Variants in MSH3 observed in about 807,000 individuals in gnomAD.
The protein encoded by MSH3 is DNA mismatch repair protein Msh3.
MSH3 carries 106 observed loss-of-function variants against 123.3 expected under a neutral mutation model. The ratio of observed to expected loss-of-function variants is 0.86; its 90% CI spans 0.73 to 1.01. The LOEUF is 1.01. MSH3 is among the 50% of genes least tolerant of loss of function. The pLI is 0.00. For missense variants in MSH3, 1,459 were observed against 1,347.6 expected, an observed-to-expected ratio of 1.08 and a Z score of -1.29; for synonymous variants, 515 against 481.4, an observed-to-expected ratio of 1.07 and a Z score of -0.91.
chr5:80,864,096 ATGT>A (rs1046161592), intron 21 of MSH3, among the ~76,000 whole-genome samples: 25 of 152,186 alleles, frequency 1.6e-4, no homozygotes, highest in African/African-American at 6.0e-4. Context: ...TTGTCTCATA[ATGT>A]TGTGCCGGAG....
At chr5:80,768,716 T>C (rs1256797605) in intron 14 of MSH3, 119 bp from the exon 15 acceptor site, 5 of 871,050 alleles carry the variant, frequency 5.7e-6, no homozygotes, top group South Asian at 3.3e-5. Flanking sequence ...TTAGTGACAA[T>C]TGGAACCACA....
chr5:80,863,240 G>A (rs1488449259), intron 21 of MSH3, among the ~76,000 whole-genome samples: 1 of 152,192 alleles, frequency 6.6e-6, no homozygotes, highest in Non-Finnish European at 1.5e-5. Flanking sequence ...GATTTATTCT[G>A]AGTCAAATAT....
intron 20 of MSH3, among the ~76,000 whole-genome samples, chr5:80,832,103 C>T (rs574814170): frequency 1.4e-5 from 2 of 146,808 alleles, no homozygotes; most frequent in African/African-American, 2.6e-5. Context: ...AGGCGAGACT[C>T]CTTCTCAAAA....
At chr5:80,734,607 A>G (rs1217172511) in intron 10 of MSH3, among the ~76,000 whole-genome samples, 1 of 152,132 alleles carries the variant, frequency 6.6e-6, no homozygotes. Context: ...ATTTTGAGGT[A>G]TTTCTACTCT....
In MSH3 at chr5:80,671,047, C is replaced by T. The variant is rs6151638; in HGVS notation, c.792+738C>T. Among the ~76,000 whole-genome samples, 939 of 151,828 alleles carry T rather than the reference C, an allele frequency of 6.2e-3. 6 individuals are homozygous for T. Among genetic ancestry groups the T allele is most frequent in the Non-Finnish European group, 0.011 (725 of 67,974 alleles). ...CTGAGGCAGGAGAGTCGCTTGAACC[C>T]GGGAGATGGAGGTTGCAGTGAGCCG... is the stretch of plus-strand genomic sequence containing the variant. On this transcript the variant is annotated intron_variant, in intron 4 of 23. Transcript: ENST00000265081.
At position 80,714,130 on chromosome 5, in the gene MSH3, C is replaced by CTTTT. The variant is rs34918629; in HGVS notation, c.1341-11303_1341-11300dup. On this transcript the variant is annotated intron_variant, in intron 8 of 23. Transcript: ENST00000265081. ...GCATGTGTGCAGAATTTCAAATAGA[C>CTTTT]TTTTTTTTTTTTTTTTTTTTTTTGA... Among the ~76,000 whole-genome samples, 119 of 85,818 alleles carry CTTTT rather than the reference C, an allele frequency of 1.4e-3. 2 individuals carry two copies. Among genetic ancestry groups the CTTTT allele is most frequent in the Middle Eastern group, 0.011 (1 of 90 alleles). The allele number at this position is 85,818 out of a possible 152,430, so 56.3% of individuals were successfully genotyped here.
intron 2 of MSH3, among the ~76,000 whole-genome samples, chr5:80,660,026 AT>A (rs35845351): frequency 0.26 from 39,396 of 152,006 alleles, 5,261 homozygotes; most frequent in Middle Eastern, 0.33. Flanking sequence ...TTAAGTACGT[AT>A]TTTTGAAAAC....
intron 8 of MSH3, among the ~76,000 whole-genome samples, chr5:80,704,689 C>T (rs745365478): frequency 6.6e-6 from 1 of 152,094 alleles, no homozygotes; most frequent in Non-Finnish European, 1.5e-5. Context: ...AACTTTTAGA[C>T]CTTTTCAAAT....
chr5:80,735,131 C>G (rs763991637), intron 10 of MSH3, among the ~76,000 whole-genome samples: 1 of 152,148 alleles, frequency 6.6e-6, no homozygotes, highest in East Asian at 1.9e-4. Context: ...TGCCTGTAAT[C>G]TCAGCACTTT....
intron 15 of MSH3, among the ~76,000 whole-genome samples, chr5:80,773,045 G>C (rs1302772881): frequency 6.6e-6 from 1 of 152,154 alleles, no homozygotes; most frequent in African/African-American, 2.4e-5. Flanking sequence ...CTTACAGATT[G>C]AATAGTTGTG....
At chr5:80,816,804 A>G (rs184833119) in intron 20 of MSH3, among the ~76,000 whole-genome samples, 71 of 152,352 alleles carry the variant, frequency 4.7e-4, no homozygotes, top group Non-Finnish European at 9.0e-4. Context: ...GTTGTCAGAG[A>G]TGACATTGAG....
intron 13 of MSH3, among the ~76,000 whole-genome samples, chr5:80,764,281 A>G (rs902179628): frequency 1.3e-5 from 2 of 152,248 alleles, no homozygotes; most frequent in East Asian, 3.8e-4. Flanking sequence ...GGTTTTGTGG[A>G]ACGTGCCCTG....
chr5:80,845,818 G>GT (rs1209444320), intron 20 of MSH3, among the ~76,000 whole-genome samples: 1 of 152,002 alleles, frequency 6.6e-6, no homozygotes, highest in Non-Finnish European at 1.5e-5. Context: ...TTTTTTCAAG[G>GT]TTTTCAGCTT....
chr5:80,655,041 G>T, intron 1 of MSH3, 77 bp downstream of exon 1: 1 of 853,136 alleles, frequency 1.2e-6, no homozygotes, highest in Non-Finnish European at 1.7e-6. Context: ...GCGGAGGCGG[G>T]GACCCTCCGC....
chr5:80,797,809 G>A (rs190492331), intron 19 of MSH3, among the ~76,000 whole-genome samples: 129 of 152,252 alleles, frequency 8.5e-4, no homozygotes, highest in African/African-American at 3.0e-3. Context: ...GGCCGCCCCA[G>A]CCCCACCCAC....
intron 12 of MSH3, among the ~76,000 whole-genome samples, chr5:80,753,461 A>G (rs1239166025): frequency 6.6e-6 from 1 of 152,158 alleles, no homozygotes; most frequent in Non-Finnish European, 1.5e-5. Flanking sequence ...AAAATAATAT[A>G]ACCATGAACA....
chr5:80,795,619 T>G (rs554654734), intron 19 of MSH3, among the ~76,000 whole-genome samples: 1 of 152,324 alleles, frequency 6.6e-6, no homozygotes, highest in African/African-American at 2.4e-5. Flanking sequence ...CATACAAATT[T>G]GGGAGAGAGA....
intron 11 of MSH3, among the ~76,000 whole-genome samples, chr5:80,744,227 T>C (rs1743673341): frequency 6.6e-6 from 1 of 152,220 alleles, no homozygotes; most frequent in African/African-American, 2.4e-5. Flanking sequence ...TATGCAATTA[T>C]ATTTTAAAGA....
At chr5:80,858,520 G>T (rs1436378147) in intron 21 of MSH3, among the ~76,000 whole-genome samples, 2 of 152,078 alleles carry the variant, frequency 1.3e-5, no homozygotes, top group East Asian at 3.9e-4. Context: ...GGATTTTCCA[G>T]TTACCTTTTT....
Sources: allele counts gnomAD v4.1 joint callset (sites outside exome capture counted in the v4.1 genomes callset), GRCh38; gene constraint gnomAD v4.1.1; transcripts MANE v1.5; gene names NCBI Gene and HGNC (gene_info 2026-07-23, HGNC 2026-07-21).